The following HNRNPH1 variants were observed in gnomAD, a reference collection of about 807,000 sequenced individuals.
HNRNPH1 encodes heterogeneous nuclear ribonucleoprotein H1, also known as heterogeneous nuclear ribonucleoprotein H.
In HNRNPH1, 4 loss-of-function variants were observed where a neutral mutation model predicts 58.6. The ratio of observed to expected loss-of-function variants is 0.07; its 90% confidence interval spans 0.03 to 0.16. The LOEUF is 0.16. Among genes scored for constraint, HNRNPH1 ranks in the 10% least tolerant of loss-of-function variants. The pLI, the probability that HNRNPH1 is intolerant of heterozygous loss-of-function variation, is 1.00. For missense variants in HNRNPH1, 271 were observed against 564.2 expected (o/e 0.48, Z 5.26); for synonymous variants, 192 against 189.2 (o/e 1.01, Z -0.12).
At chr5:179,618,220 C>A in exon 5 of HNRNPH1, 1 of 1,614,202 alleles carries the variant, frequency 6.2e-7, no homozygotes, top group Non-Finnish European at 8.5e-7. Context: ...CTACCAGCCC[C>A]AGGTCTGTCA....
chr5:179,617,662 G>A lies in HNRNPH1; in HGVS notation c.922-13C>T. 1 of 1,609,106 alleles carries A rather than the reference G, an allele frequency of 6.2e-7. No homozygotes were observed. Among genetic ancestry groups the A allele is most frequent in the East Asian group, 2.2e-5 (1 of 44,848 alleles). On this transcript the variant is annotated splice_polypyrimidine_tract_variant and intron_variant, in intron 7 of 12. Coordinates refer to ENST00000356731, the Ensembl canonical transcript of HNRNPH1. ...GCGGTGAAAAAAACTACAACACAAG[G>A]CATTTCAAAGAATTCAACCAACTTT... is the stretch of plus-strand genomic sequence containing the variant.
At chr5:179,617,474 A>C (rs1020712420) in intron 8 of HNRNPH1, 40 bp downstream of exon 9, 1 of 1,595,292 alleles carries the variant, frequency 6.3e-7, no homozygotes, top group African/African-American at 1.3e-5. Flanking sequence ...TAGTCACACA[A>C]TCACCTGTTA....
At chr5:179,631,330 G>T (rs570440256) in intron 2 of HNRNPH1, among the ~76,000 whole-genome samples, 1 of 152,246 alleles carries the variant, frequency 6.6e-6, no homozygotes, top group Non-Finnish European at 1.5e-5. Context: ...AAATGATCTA[G>T]GTTCCGTGTG....
At chr5:179,622,956 C>T (rs1581735276) in intron 1 of HNRNPH1, 81 bp downstream of exon 2, 1 of 142,840 alleles carries the variant, frequency 7.0e-6, no homozygotes, top group Non-Finnish European at 1.5e-5. Context: ...CGCCCCGCCC[C>T]GCCCCGCCCC....
At chr5:179,625,142 C>G (rs571474238), upstream of HNRNPH1, among the ~76,000 whole-genome samples, 1 of 152,266 alleles carries the variant, frequency 6.6e-6, no homozygotes, top group Non-Finnish European at 1.5e-5. Context: ...CTACTACAAA[C>G]TGAACTAGAA....
At chr5:179,619,904 A>G (rs1299750094) in intron 3 of HNRNPH1, 1 of 138,180 alleles carries the variant, frequency 7.2e-6, no homozygotes, top group African/African-American at 2.7e-5. Context: ...TTTCAACAAA[A>G]CTGATCTACA....
At chr5:179,624,719 T>G (rs1774194224), upstream of HNRNPH1, 1 of 397,242 alleles carries the variant, frequency 2.5e-6, no homozygotes, top group African/African-American at 2.1e-5. Context: ...CATGTCTGAT[T>G]TGGCTGCCTT....
At chr5:179,615,667 AAAT>A in intron 11 of HNRNPH1, 72 bp from the exon 13 acceptor site, 1 of 773,338 alleles carries the variant, frequency 1.3e-6, no homozygotes, top group Non-Finnish European at 2.2e-6. Flanking sequence ...GAAAAAAAAT[AAAT>A]AAAACCAATC....
At chr5:179,620,579 T>C (rs970545233) in intron 3 of HNRNPH1, 18 of 267,170 alleles carry the variant, frequency 6.7e-5, no homozygotes, top group Non-Finnish European at 1.2e-4. Flanking sequence ...TAAAGGGATC[T>C]TACCTTTAAC....
chr5:179,620,328 T>C (rs1190702634), intron 3 of HNRNPH1, among the ~76,000 whole-genome samples: 1 of 152,178 alleles, frequency 6.6e-6, no homozygotes, highest in East Asian at 1.9e-4. Flanking sequence ...CCAGGAACAA[T>C]TTCAAAACAC....
intron 4 of HNRNPH1, 86 bp from the exon 6 acceptor site, chr5:179,618,409 C>A: frequency 1.1e-6 from 1 of 906,186 alleles, no homozygotes; most frequent in Non-Finnish European, 1.7e-6. Flanking sequence ...TACAAGAAAA[C>A]AATCTAGTCA....
chr5:179,619,114 G>C, intron 4 of HNRNPH1, 155 bp downstream of exon 5: 2 of 630,594 alleles, frequency 3.2e-6, no homozygotes, highest in Non-Finnish European at 5.3e-6. Context: ...TTTAGTTTGC[G>C]TGTAACGTGG....
chr5:179,617,700 A>C, intron 7 of HNRNPH1, 51 bp from the exon 9 acceptor site: 1 of 1,604,410 alleles, frequency 6.2e-7, no homozygotes, highest in Non-Finnish European at 8.5e-7. Flanking sequence ...AACGTTACAA[A>C]AAAAACCTAA....
chr5:179,621,636 ATTTATC>A, intron 1 of HNRNPH1: 1 of 536,544 alleles, frequency 1.9e-6, no homozygotes, highest in Non-Finnish European at 3.3e-6. Context: ...TTCAGAATGA[ATTTATC>A]TCTTTAGTCC....
chr5:179,630,814 G>A (rs185477190), intron 2 of HNRNPH1, among the ~76,000 whole-genome samples: 101 of 151,994 alleles, frequency 6.6e-4, no homozygotes, highest in African/African-American at 2.0e-3. Flanking sequence ...AGGAGGCTGA[G>A]GCAGGAGAAT....
intron 2 of HNRNPH1, among the ~76,000 whole-genome samples, chr5:179,632,044 C>A (rs947266289): frequency 2.6e-5 from 4 of 151,420 alleles, no homozygotes; most frequent in Non-Finnish European, 5.9e-5. Context: ...CGGCGGCTCA[C>A]GCCTGTAATC....
chr5:179,618,740 C>T (rs1486288232), intron 4 of HNRNPH1: 1 of 164,670 alleles, frequency 6.1e-6, no homozygotes, highest in African/African-American at 2.4e-5. Context: ...ATAAATACCC[C>T]AGCCTATGCT....
intron 1 of HNRNPH1, chr5:179,634,419 A>G (rs1775078222): frequency 1.7e-5 from 1 of 59,040 alleles, no homozygotes; most frequent in African/African-American, 5.0e-5. Flanking sequence ...TAGTATTTAA[A>G]GAGCAGGGCT....
At chr5:179,617,192 G>T in intron 8 of HNRNPH1, 82 bp from the exon 10 acceptor site, 2 of 1,352,128 alleles carry the variant, frequency 1.5e-6, no homozygotes, top group Non-Finnish European at 2.1e-6. Context: ...TTTTAAACAA[G>T]CAGATCTGTG....
Sources: allele counts gnomAD v4.1 joint callset (sites outside exome capture counted in the v4.1 genomes callset), GRCh38; gene constraint gnomAD v4.1.1; transcripts MANE v1.5; gene names NCBI Gene and HGNC (gene_info 2026-07-23, HGNC 2026-07-21).